The following GRID2 variants were observed in gnomAD, a reference collection of about 807,000 sequenced individuals.
The protein encoded by GRID2 is glutamate receptor ionotropic, delta-2.
In GRID2, 33 loss-of-function variants were observed where a neutral mutation model predicts 114.8. The observed-to-expected ratio is 0.29, with a 90% CI of 0.22 to 0.38. The LOEUF (loss-of-function observed/expected upper bound fraction) is 0.38. Ranked by LOEUF, GRID2 falls within the 10% of genes least tolerant of loss-of-function variation. GRID2 has a pLI of 1.00. For synonymous variants in GRID2, 505 were observed against 449.9 expected (o/e 1.12, Z -1.55); for missense variants, 1,184 against 1,257.7 (o/e 0.94, Z 0.89).
At chr4:92,944,615 G>C (rs1442498332) in intron 2 of GRID2, among the ~76,000 whole-genome samples, 1 of 152,232 alleles carries the variant, frequency 6.6e-6, no homozygotes, top group Non-Finnish European at 1.5e-5. Flanking sequence ...TGGTATCTCA[G>C]TTGGAAAAGT....
At chr4:93,746,791 A>G (rs931258021) in intron 14 of GRID2, among the ~76,000 whole-genome samples, 10 of 152,120 alleles carry the variant, frequency 6.6e-5, no homozygotes, top group Non-Finnish European at 1.5e-4. Context: ...TTTGCTCAGT[A>G]TAATGATTAA....
chr4:92,955,599 G>C (rs1171213115), intron 2 of GRID2, among the ~76,000 whole-genome samples: 1 of 152,030 alleles, frequency 6.6e-6, no homozygotes, highest in East Asian at 1.9e-4. Context: ...TTCTTTTGCT[G>C]TGCAGAAGCT....
At chr4:92,746,044 G>T (rs528668614) in intron 2 of GRID2, among the ~76,000 whole-genome samples, 2 of 151,990 alleles carry the variant, frequency 1.3e-5, no homozygotes, top group Non-Finnish European at 2.9e-5. Context: ...AATGCAGTAC[G>T]TCTGCATCCA....
intron 2 of GRID2, among the ~76,000 whole-genome samples, chr4:92,723,273 T>G (rs1735898719): frequency 6.6e-6 from 1 of 152,242 alleles, no homozygotes; most frequent in African/African-American, 2.4e-5. Flanking sequence ...TAGTGCTGAT[T>G]TGAAGTGCTT....
intron 2 of GRID2, among the ~76,000 whole-genome samples, chr4:92,725,798 G>A (rs910833265): frequency 6.6e-6 from 1 of 152,110 alleles, no homozygotes; most frequent in African/African-American, 2.4e-5. Context: ...TTTTATTATA[G>A]CCTCACAGAT....
intron 2 of GRID2, among the ~76,000 whole-genome samples, chr4:92,908,839 A>G (rs972904490): frequency 1.3e-5 from 2 of 152,174 alleles, no homozygotes; most frequent in African/African-American, 4.8e-5. Flanking sequence ...TTCACTGGCT[A>G]CCTGCACTTT....
At chr4:92,588,931 C>T (rs1393787539) in intron 1 of GRID2, among the ~76,000 whole-genome samples, 2 of 151,916 alleles carry the variant, frequency 1.3e-5, no homozygotes, top group Admixed American at 6.6e-5. Flanking sequence ...GGTGAAATCC[C>T]GTCTCTACTA....
chr4:92,343,727 C>A (rs550711693), intron 1 of GRID2, among the ~76,000 whole-genome samples: 18 of 152,218 alleles, frequency 1.2e-4, no homozygotes, highest in Non-Finnish European at 2.1e-4. Context: ...GCACCCGCCA[C>A]CATGCCTGGC....
chr4:93,772,033 C>T lies in GRID2; in HGVS notation c.2602-43C>T. On this transcript the variant is annotated intron_variant, in intron 15 of 15. Transcript: ENST00000282020. ...ACTTTTTTTTTTTTAACCATCAAAGCTAGTACTGATGAGAACCTTATTTTC... is the reference window on the plus strand; with the variant it reads ...ACTTTTTTTTTTTTAACCATCAAAGTTAGTACTGATGAGAACCTTATTTTC... The T allele has an allele frequency of 3.4e-6, 4 of 1,186,144 alleles. No homozygotes were observed. The South Asian group carries it at 4.0e-5, about 12-fold the overall frequency. The allele number at this position is 1,186,144 out of a possible 1,614,324, so 73.5% of individuals were successfully genotyped here.
chr4:92,928,682 G>C (rs535753345), intron 2 of GRID2, among the ~76,000 whole-genome samples: 1 of 151,502 alleles, frequency 6.6e-6, no homozygotes, highest in Admixed American at 6.6e-5. Flanking sequence ...TTAGTACATA[G>C]GTAATTAACC....
intron 8 of GRID2, among the ~76,000 whole-genome samples, chr4:93,334,888 G>A (rs2043415): frequency 0.67 from 101,856 of 151,134 alleles, 34,895 homozygotes; most frequent in African/African-American, 0.8. Flanking sequence ...CTGAGATCAC[G>A]CCATTGCATT....
chr4:93,348,949 C>CT (rs1760513816), intron 8 of GRID2, among the ~76,000 whole-genome samples: 1 of 152,128 alleles, frequency 6.6e-6, no homozygotes, highest in Non-Finnish European at 1.5e-5. Context: ...CAGGGCCTGC[C>CT]TTCTTGGCTG....
At chr4:93,572,668 T>C (rs548881913) in intron 13 of GRID2, among the ~76,000 whole-genome samples, 2 of 152,224 alleles carry the variant, frequency 1.3e-5, no homozygotes, top group South Asian at 2.1e-4. Flanking sequence ...GATAGACTTA[T>C]TGCAGCAAAG....
intron 1 of GRID2, among the ~76,000 whole-genome samples, chr4:92,550,308 T>C (rs1726518441): frequency 6.6e-6 from 1 of 152,318 alleles, no homozygotes; most frequent in East Asian, 1.9e-4. Flanking sequence ...CTGTGAAGTA[T>C]AGAATAATTT....
At chr4:93,367,037 C>T (rs895446665) in intron 8 of GRID2, among the ~76,000 whole-genome samples, 15 of 151,916 alleles carry the variant, frequency 9.9e-5, no homozygotes, top group Admixed American at 4.6e-4. Context: ...TGGACTAATT[C>T]GTCCTGTTCT....
chr4:92,954,340 A>G (rs1370787387), intron 2 of GRID2, among the ~76,000 whole-genome samples: 1 of 152,196 alleles, frequency 6.6e-6, no homozygotes, highest in Non-Finnish European at 1.5e-5. Flanking sequence ...CCCCAGTTAT[A>G]CTGTCATGAC....
At chr4:93,669,921 A>T (rs1724260594) in intron 14 of GRID2, among the ~76,000 whole-genome samples, 1 of 152,120 alleles carries the variant, frequency 6.6e-6, no homozygotes, top group Non-Finnish European at 1.5e-5. Context: ...ACCACTTGCT[A>T]ATCAGCTTTT....
At chr4:93,596,768 A>G (rs1290468159) in intron 13 of GRID2, among the ~76,000 whole-genome samples, 1 of 152,196 alleles carries the variant, frequency 6.6e-6, no homozygotes, top group Non-Finnish European at 1.5e-5. Flanking sequence ...TTGTGAAAAC[A>G]CGATCTGTCT....
At chr4:93,183,454 T>C (rs1420532572) in intron 4 of GRID2, among the ~76,000 whole-genome samples, 1 of 152,202 alleles carries the variant, frequency 6.6e-6, no homozygotes. Flanking sequence ...TGTGATGAAT[T>C]TGTTCTACTA....
Sources: allele counts gnomAD v4.1 joint callset (sites outside exome capture counted in the v4.1 genomes callset), GRCh38; gene constraint gnomAD v4.1.1; transcripts MANE v1.5; gene names NCBI Gene and HGNC (gene_info 2026-07-23, HGNC 2026-07-21).